TAFA1: variants seen among roughly 807,000 people sequenced by gnomAD.
TAFA1 encodes the protein chemokine-like protein TAFA-1.
In TAFA1, 4 loss-of-function variants were observed where a neutral mutation model predicts 18.5. That is an observed-to-expected ratio of 0.22 (90% CI 0.11 to 0.49). The LOEUF (loss-of-function observed/expected upper bound fraction) is 0.49, where lower values mean the gene tolerates loss of function less well. Ranked by LOEUF, TAFA1 falls within the 20% of genes least tolerant of loss-of-function variation. TAFA1 has a pLI of 0.98. For missense variants in TAFA1, 147 were observed against 169.0 expected (o/e 0.87, Z 0.72); for synonymous variants, 56 against 55.2 (o/e 1.01, Z -0.06).
chr3:68,409,327 C>T (rs2106772680), intron 2 of TAFA1, among the ~76,000 whole-genome samples: 1 of 152,226 alleles, frequency 6.6e-6, no homozygotes, highest in Non-Finnish European at 1.5e-5. Flanking sequence ...ACTATGTCCC[C>T]ACCCAAATCA....
At chr3:68,305,409 CTATATA>C (rs773025236) in intron 2 of TAFA1, among the ~76,000 whole-genome samples, 1,034 of 37,934 alleles carry the variant, frequency 0.027, 15 homozygotes, top group South Asian at 0.056. Flanking sequence ...GACTATATGA[CTATATA>C]TATATATATA....
intron 2 of TAFA1, among the ~76,000 whole-genome samples, chr3:68,399,693 T>G (rs2070451586): frequency 6.6e-6 from 1 of 152,218 alleles, no homozygotes; most frequent in Admixed American, 6.6e-5. Flanking sequence ...GGTTACTGTG[T>G]TCTAGGCACT....
chr3:68,428,011 C>T (rs1245623585), intron 3 of TAFA1, among the ~76,000 whole-genome samples: 2 of 151,940 alleles, frequency 1.3e-5, no homozygotes, highest in East Asian at 3.9e-4. Context: ...TTATACATTA[C>T]CCAGTCTTGG....
At position 68,340,390 on chromosome 3, in the gene TAFA1, A is replaced by C. The variant is rs546991237; in HGVS notation, c.119-76890A>C. Among the ~76,000 whole-genome samples the C allele has an allele frequency of 5.9e-5, 9 of 152,368 alleles. No homozygotes were observed. In the South Asian group the frequency reaches 1.4e-3, roughly 25 times the overall value. ...GTGGTTGCATTGGAGAATGTACTTA[A>C]CAGGATCATATGTCAATATGTCATG... On this transcript the variant is annotated intron_variant, in intron 2 of 4. Coordinates refer to ENST00000478136, the MANE Select transcript of TAFA1 (RefSeq NM_213609.4).
At chr3:68,407,437 A>G (rs1285199861) in intron 2 of TAFA1, among the ~76,000 whole-genome samples, 1 of 152,186 alleles carries the variant, frequency 6.6e-6, no homozygotes, top group Non-Finnish European at 1.5e-5. Flanking sequence ...AATACGTTGT[A>G]TTCTACTGTG....
chr3:68,172,518 G>A (rs1004081596), intron 2 of TAFA1, among the ~76,000 whole-genome samples: 1 of 152,136 alleles, frequency 6.6e-6, no homozygotes, highest in African/African-American at 2.4e-5. Context: ...ACATAGCACT[G>A]CCATGTGATC....
At chr3:68,461,369 A>ATG (rs1220611714) in intron 3 of TAFA1, among the ~76,000 whole-genome samples, 6 of 140,724 alleles carry the variant, frequency 4.3e-5, no homozygotes, top group African/African-American at 1.4e-4. Context: ...GCATATATAT[A>ATG]TATATATATA....
chr3:68,242,555 ATTATAG>A (rs1204869374), intron 2 of TAFA1, among the ~76,000 whole-genome samples: 2 of 152,146 alleles, frequency 1.3e-5, no homozygotes, highest in South Asian at 2.1e-4. Flanking sequence ...ATGTTATTTA[ATTATAG>A]TTAGAGTCTC....
intron 2 of TAFA1, among the ~76,000 whole-genome samples, chr3:68,293,952 C>G (rs1055245092): frequency 6.6e-6 from 1 of 152,140 alleles, no homozygotes; most frequent in Non-Finnish European, 1.5e-5. Context: ...CAGAGAATGT[C>G]TCTGCAAAGC....
intron 2 of TAFA1, among the ~76,000 whole-genome samples, chr3:68,341,987 C>T (rs754678649): frequency 2.6e-5 from 4 of 152,104 alleles, no homozygotes; most frequent in Non-Finnish European, 4.4e-5. Flanking sequence ...AATGAAGGCA[C>T]GTTTGAAGAA....
intron 2 of TAFA1, among the ~76,000 whole-genome samples, chr3:68,062,433 G>T (rs2064616537): frequency 6.6e-6 from 1 of 152,112 alleles, no homozygotes; most frequent in East Asian, 1.9e-4. Flanking sequence ...TAATGCGCAG[G>T]TCCTGAAAGA....
the TAFA1 span, among the ~76,000 whole-genome samples, chr3:67,994,884 T>C: frequency 2.0e-5 from 3 of 152,094 alleles, no homozygotes; most frequent in Admixed American, 6.6e-5. Flanking sequence ...CCGTGAACTA[T>C]AGGAAAGACT....
chr3:68,503,604 G>A (rs1318960847), intron 3 of TAFA1, among the ~76,000 whole-genome samples: 1 of 152,088 alleles, frequency 6.6e-6, no homozygotes, highest in Non-Finnish European at 1.5e-5. Context: ...TTAACTTGTG[G>A]CAATGACTTG....
intron 2 of TAFA1, among the ~76,000 whole-genome samples, chr3:68,262,102 C>A (rs1252179725): frequency 6.6e-6 from 1 of 151,300 alleles, no homozygotes; most frequent in African/African-American, 2.4e-5. Flanking sequence ...TCTGCTCAAT[C>A]TCCAAGTGAA....
chr3:67,998,662 C>T, the TAFA1 span, among the ~76,000 whole-genome samples: 1 of 152,226 alleles, frequency 6.6e-6, no homozygotes, highest in Non-Finnish European at 1.5e-5. Context: ...TGAGGAAGCA[C>T]ATAGCCCAGG....
At chr3:68,129,958 C>G (rs1015796477) in intron 2 of TAFA1, among the ~76,000 whole-genome samples, 5 of 152,156 alleles carry the variant, frequency 3.3e-5, no homozygotes, top group African/African-American at 4.8e-5. Flanking sequence ...AATGTAGAAG[C>G]CTATATGTGT....
chr3:68,462,387 T>G (rs2071800854), intron 3 of TAFA1, among the ~76,000 whole-genome samples: 1 of 152,054 alleles, frequency 6.6e-6, no homozygotes, highest in African/African-American at 2.4e-5. Flanking sequence ...GATGGTTTCA[T>G]AAATGGGAGT....
At chr3:68,062,604 C>A (rs1460177249) in intron 2 of TAFA1, among the ~76,000 whole-genome samples, 1 of 152,088 alleles carries the variant, frequency 6.6e-6, no homozygotes, top group Admixed American at 6.6e-5. Flanking sequence ...ATATGCATGA[C>A]CCTAGGGTTT....
intron 3 of TAFA1, among the ~76,000 whole-genome samples, chr3:68,531,060 T>A: frequency 1.1e-5 from 1 of 88,216 alleles, no homozygotes. Context: ...AAAACATGGA[T>A]TTGGTGGGGA....
Sources: gnomAD v4.1 joint callset for allele counts (sites outside exome capture counted in the v4.1 genomes callset) on GRCh38, gnomAD v4.1.1 for gene constraint, MANE v1.5 for transcripts, NCBI Gene and HGNC (gene_info 2026-07-23, HGNC 2026-07-21) for gene names.